The following ANG variants were observed in gnomAD, a reference collection of about 807,000 sequenced individuals.
The protein encoded by ANG is Homo sapiens epididymis luminal protein 168.
For missense variants in ANG, 178 were observed against 187.4 expected (o/e 0.95, Z 0.29); for synonymous variants, 74 against 73.8 (o/e 1.00, Z -0.02).
At chr14:20,690,333 A>T (rs563184930) in intron 1 of ANG, among the ~76,000 whole-genome samples, 1 of 152,130 alleles carries the variant, frequency 6.6e-6, no homozygotes, top group South Asian at 2.1e-4. Flanking sequence ...GTTTGGGTAC[A>T]GAAGGATATA....
chr14:20,693,508 T>A, intron 1 of ANG, 39 bp from the exon 2 acceptor site: 1 of 1,604,872 alleles, frequency 6.2e-7, no homozygotes, highest in Non-Finnish European at 8.5e-7. Context: ...TTGGTGATGC[T>A]GTTCTTGGGT....
chr14:20,686,457 C>T (rs1196058615), upstream of ANG, among the ~76,000 whole-genome samples: 4 of 152,184 alleles, frequency 2.6e-5, no homozygotes, highest in South Asian at 8.3e-4. Flanking sequence ...CAATGAAGGT[C>T]AGTGAAACCT....
At chr14:20,692,554 GTGAAC>G (rs1167296406) in intron 1 of ANG, among the ~76,000 whole-genome samples, 2 of 152,364 alleles carry the variant, frequency 1.3e-5, no homozygotes, top group East Asian at 3.9e-4. Context: ...GACGCCTATT[GTGAAC>G]TGCGCATGTG....
intron 1 of ANG, among the ~76,000 whole-genome samples, chr14:20,689,846 G>A (rs1886621683): frequency 6.6e-6 from 1 of 151,296 alleles, no homozygotes. Flanking sequence ...AACCTGGGAG[G>A]TGGAGGTTGC....
intron 1 of ANG, 76 bp from the exon 2 acceptor site, chr14:20,693,471 G>T: frequency 1.9e-6 from 3 of 1,579,058 alleles, no homozygotes; most frequent in Non-Finnish European, 1.7e-6. Context: ...GTGTCAGAGA[G>T]CAAAGCTCCT....
At chr14:20,687,361 C>A (rs1242873206), upstream of ANG, among the ~76,000 whole-genome samples, 1 of 152,240 alleles carries the variant, frequency 6.6e-6, no homozygotes, top group Non-Finnish European at 1.5e-5. Context: ...AGGGACCTAA[C>A]TATATTCAGA....
chr14:20,693,937 A>C lies in ANG; in HGVS notation c.373A>C (p.Arg125=). The change falls in exon 2 of 2, where the codon AGA becomes CGA. Residue 125 remains arginine (R), a synonymous_variant. Transcript: ENST00000397990. ...PCQYRATAGF[R]NVVVACENGL... ...CCAGTACCGAGCCACAGCGGGGTTC[A>C]GAAACGTTGTTGTTGCTTGTGAAAA... 3 of 1,614,154 alleles carry C rather than the reference A, an allele frequency of 1.9e-6. No individual in the cohort carries two copies. The highest frequency in any genetic ancestry group is 2.5e-6 in the Non-Finnish European group (3 of 1,180,040).
At chr14:20,691,800 C>T (rs897333640) in intron 1 of ANG, among the ~76,000 whole-genome samples, 1 of 152,220 alleles carries the variant, frequency 6.6e-6, no homozygotes, top group Non-Finnish European at 1.5e-5. Flanking sequence ...GGAATCAACA[C>T]CAAATGCAAA....
At chr14:20,693,447 T>A (rs1310292295) in intron 1 of ANG, 100 bp from the exon 2 acceptor site, 1 of 1,488,000 alleles carries the variant, frequency 6.7e-7, no homozygotes, top group Non-Finnish European at 9.2e-7. Context: ...GGAAAAGATC[T>A]GATTCATGAT....
chr14:20,692,991 G>A (rs1886860590), intron 1 of ANG, among the ~76,000 whole-genome samples: 3 of 151,400 alleles, frequency 2.0e-5, no homozygotes, highest in East Asian at 3.9e-4. Context: ...GGGACTACAG[G>A]CGCCCGCCAC....
chr14:20,689,154 T>C (rs1363939089), intron 1 of ANG, among the ~76,000 whole-genome samples: 2 of 152,232 alleles, frequency 1.3e-5, no homozygotes, highest in African/African-American at 4.8e-5. Context: ...CTGAAGGCCA[T>C]CGGGAGTCCT....
chr14:20,692,614 T>A (rs997623960), intron 1 of ANG, among the ~76,000 whole-genome samples: 2 of 152,224 alleles, frequency 1.3e-5, no homozygotes, highest in Non-Finnish European at 2.9e-5. Context: ...AACTAATGCT[T>A]GATGATCTAT....
At chr14:20,687,739 A>G (rs2139002250), upstream of ANG, among the ~76,000 whole-genome samples, 1 of 152,354 alleles carries the variant, frequency 6.6e-6, no homozygotes, top group African/African-American at 2.4e-5. Flanking sequence ...CACAAAATGA[A>G]AGATTGCACT....
chr14:20,685,152 C>T (rs938707093), upstream of ANG, among the ~76,000 whole-genome samples: 31 of 152,138 alleles, frequency 2.0e-4, no homozygotes, highest in African/African-American at 5.6e-4. Flanking sequence ...GCGTAACTAA[C>T]ATTTGGGGAT....
At chr14:20,690,598 A>T (rs1886695632) in intron 1 of ANG, among the ~76,000 whole-genome samples, 1 of 152,178 alleles carries the variant, frequency 6.6e-6, no homozygotes, top group Non-Finnish European at 1.5e-5. Flanking sequence ...ACAGGCCCCC[A>T]ACTAAACTTA....
chr14:20,693,402 T>C (rs547602524), intron 1 of ANG, 145 bp from the exon 2 acceptor site: 369 of 1,063,252 alleles, frequency 3.5e-4, no homozygotes, highest in Non-Finnish European at 4.5e-4. Flanking sequence ...GTGAGGTTAA[T>C]GAGGAAGGGA....
intron 1 of ANG, 116 bp from the exon 2 acceptor site, chr14:20,693,431 G>A: frequency 1.5e-6 from 2 of 1,325,916 alleles, no homozygotes; most frequent in Non-Finnish European, 2.1e-6. Context: ...TATAAAATTT[G>A]GTGGTGGAAA....
chr14:20,693,690 A>G lies in ANG; in HGVS notation c.126A>G (p.Pro42=). ...HFLTQHYDAK[P]QGRDDRYCES... Reference sequence around the variant, plus strand: ...TGACCCAGCACTATGATGCCAAACCACAGGGCCGGGATGACAGATACTGTG... The same window carrying G: ...TGACCCAGCACTATGATGCCAAACCGCAGGGCCGGGATGACAGATACTGTG... The change falls in exon 2 of 2, where the codon CCA becomes CCG. Residue 42 remains proline, a synonymous_variant. Transcript: ENST00000397990. The G allele has an allele frequency of 1.2e-6, 2 of 1,614,198 alleles. No homozygotes were observed. Among genetic ancestry groups the G allele is most frequent in the Non-Finnish European group, 1.7e-6 (2 of 1,180,028 alleles).
Position 20,693,852 on chromosome 14 carries a change from C to T in ANG, c.288C>T (p.Ser96=). The change falls in exon 2 of 2, where the codon AGC becomes AGT. Residue 96 remains serine (S), a synonymous_variant. Coordinates refer to ENST00000397990, the MANE Select transcript of ANG (RefSeq NM_001097577.3). ...GNPHRENLRI[S]KSSFQVTTCK... is the part of the protein sequence containing the mutation. ...CTCACAGAGAAAACCTAAGAATAAGCAAGTCTTCTTTCCAGGTCACCACTT... is the reference window on the plus strand; with the variant it reads ...CTCACAGAGAAAACCTAAGAATAAGTAAGTCTTCTTTCCAGGTCACCACTT... The T allele has an allele frequency of 6.2e-7, 1 of 1,614,196 alleles. No homozygotes were observed. Among genetic ancestry groups the T allele is most frequent in the South Asian group, 1.1e-5 (1 of 91,084 alleles).
Sources: gnomAD v4.1 joint callset for allele counts (sites outside exome capture counted in the v4.1 genomes callset) on GRCh38, gnomAD v4.1.1 for gene constraint, MANE v1.5 for transcripts, NCBI Gene and HGNC (gene_info 2026-07-23, HGNC 2026-07-21) for gene names.